Variants in MAP3K4 observed in about 807,000 individuals in gnomAD.
MAP3K4 encodes the protein mitogen-activated protein kinase kinase kinase 4, also known as MAP three kinase 1.
MAP3K4 carries 67 observed loss-of-function variants against 185.6 expected under a neutral mutation model. The observed-to-expected ratio is 0.36, with a 90% CI of 0.30 to 0.44. The LOEUF (loss-of-function observed/expected upper bound fraction) is 0.44, where lower values mean the gene tolerates loss of function less well. MAP3K4 is among the 20% of genes least tolerant of loss of function. The pLI, the probability that MAP3K4 is intolerant of heterozygous loss-of-function variation, is 1.00. For synonymous variants in MAP3K4, 702 were observed against 710.4 expected, an observed-to-expected ratio of 0.99 and a Z score of 0.19; for missense variants, 1,551 against 1,995.1, an observed-to-expected ratio of 0.78 and a Z score of 4.24.
At position 161,054,274 on chromosome 6, in the gene MAP3K4, C is replaced by A. The variant is rs1784137176; in HGVS notation, c.1707+4295C>A. On this transcript the variant is annotated intron_variant, in intron 3 of 26. Transcript: ENST00000392142. The surrounding 1 kb of genome is among the most constrained non-coding windows in gnomAD (Gnocchi z 4.2). ...GGTTCAGGCTATTCTCCTGCCTCAG[C>A]CTCCGGAGTAGCTGGGATTACAGGC... 6.6e-6 allele frequency among the ~76,000 whole-genome samples: 1 copy of A among 152,106 alleles called. No homozygotes were observed. Among genetic ancestry groups the A allele is most frequent in the African/African-American group, 2.4e-5 (1 of 41,412 alleles).
At chr6:161,055,595 A>T (rs1784194868) in intron 3 of MAP3K4, among the ~76,000 whole-genome samples, 1 of 152,156 alleles carries the variant, frequency 6.6e-6, no homozygotes, top group Non-Finnish European at 1.5e-5. Flanking sequence ...CACTTTTTCT[A>T]ATAATTCCCT....
rs1344242821 is a variant in MAP3K4, at chr6:161,048,732, G to C, written c.460G>C (p.Glu154Gln). The C allele has an allele frequency of 6.2e-7, 1 of 1,614,016 alleles. No individual in the cohort carries two copies. The highest frequency in any genetic ancestry group is 1.6e-4 in the Middle Eastern group (1 of 6,062). Residue 154 changes from glutamate to glutamine, a missense_variant, in exon 3 of 27, where the codon GAG becomes CAG. Coordinates refer to ENST00000392142, the MANE Select transcript of MAP3K4 (RefSeq NM_005922.4). The surrounding 1 kb of genome is among the most constrained non-coding windows in gnomAD (Gnocchi z 4.7). ...GATCCGAGCAGCTCTTAGAACAACA[G>C]AGCGTGATCGTAAAAAAAATGTACA... ...KKIRAALRTT[E>Q]RDRKKNVQCS...
rs367611856 is a variant in MAP3K4, at chr6:161,098,300, G to C, written c.3547G>C (p.Ala1183Pro). Reference sequence around the variant, plus strand: ...TAGCACTCGGAGCATGCCTTCCGACGCGCGGAGCCATGGCAGCCCTGCTGC... The same window carrying C: ...TAGCACTCGGAGCATGCCTTCCGACCCGCGGAGCCATGGCAGCCCTGCTGC... ...GFSTRSMPSD[A>P]RSHGSPAAAA... is the part of the protein sequence containing the mutation. Residue 1183 changes from alanine to proline, a missense_variant, in exon 17 of 27, where the codon GCG becomes CCG. Transcript: ENST00000392142. This position sits in a 1 kb window ranked among gnomAD's most constrained non-coding sequence, Gnocchi z 4.4. 4 of 1,610,268 alleles carry C rather than the reference G, an allele frequency of 2.5e-6. No individual in the cohort carries two copies. The highest frequency in any genetic ancestry group is 3.4e-6 in the Non-Finnish European group (4 of 1,179,422).
intron 3 of MAP3K4, among the ~76,000 whole-genome samples, chr6:161,069,009 A>G (rs1482360837): frequency 6.6e-6 from 1 of 152,254 alleles, no homozygotes; most frequent in African/African-American, 2.4e-5. Flanking sequence ...ATGGTCCAGA[A>G]GGAGAGACCA....
chr6:161,005,633 A>G (rs916966047), intron 1 of MAP3K4, among the ~76,000 whole-genome samples: 1 of 152,192 alleles, frequency 6.6e-6, no homozygotes, highest in African/African-American at 2.4e-5. Flanking sequence ...GTTTAAATAC[A>G]AATTTACCTT....
chr6:161,059,697 GT>G (rs1428135433), intron 3 of MAP3K4, among the ~76,000 whole-genome samples: 1 of 151,990 alleles, frequency 6.6e-6, no homozygotes, highest in Non-Finnish European at 1.5e-5. Context: ...CATGTCTGTT[GT>G]TATTTTATGA....
intron 1 of MAP3K4, among the ~76,000 whole-genome samples, chr6:160,997,194 G>C (rs1309676532): frequency 6.6e-6 from 1 of 151,910 alleles, no homozygotes; most frequent in African/African-American, 2.4e-5. Context: ...CTAATGGTGA[G>C]TCTCAGAGGA....
At position 161,034,107 on chromosome 6, in the gene MAP3K4, G is replaced by A; in HGVS notation, c.153-152G>A. On this transcript the variant is annotated intron_variant, in intron 1 of 26. Coordinates refer to ENST00000392142, the MANE Select transcript of MAP3K4 (RefSeq NM_005922.4). The surrounding 1 kb of genome is among the most constrained non-coding windows in gnomAD (Gnocchi z 4.4). ...CAAGCAAAAGAAAAGTTCTCCTTTT[G>A]AGTTTTCACAGGTAAAAATGAGGAG... The A allele has an allele frequency of 1.8e-6, 1 of 559,090 alleles. No individual in the cohort carries two copies. The highest frequency in any genetic ancestry group is 3.0e-6 in the Non-Finnish European group (1 of 330,474). The allele number at this position is 559,090 out of a possible 1,614,324, so 34.6% of individuals were successfully genotyped here.
intron 1 of MAP3K4, among the ~76,000 whole-genome samples, chr6:161,020,277 G>C (rs1055948065): frequency 1.3e-4 from 19 of 151,728 alleles, no homozygotes; most frequent in African/African-American, 4.1e-4. Flanking sequence ...TTGTTTGTTT[G>C]TTTGTTTGTT....
At position 161,082,202 on chromosome 6, in the gene MAP3K4, G is replaced by C. The variant is rs1284622867; in HGVS notation, c.2255+1164G>C. Among the ~76,000 whole-genome samples, 1 of 151,764 alleles carries C rather than the reference G, an allele frequency of 6.6e-6. No homozygotes were observed. The highest frequency in any genetic ancestry group is 1.5e-5 in the Non-Finnish European group (1 of 67,994). On this transcript the variant is annotated intron_variant, in intron 6 of 26. Transcript: ENST00000392142. This position sits in a 1 kb window ranked among gnomAD's most constrained non-coding sequence, Gnocchi z 4.2. ...TGTCTTTGCTTGTCTGTTCAGCTTG[G>C]TGCCCATAGTCAGCCTTTTTAAAAA...
chr6:161,087,876 C>A lies in MAP3K4; in HGVS notation c.2745C>A (p.Asp915Glu). 1 of 1,614,154 alleles carries A rather than the reference C, an allele frequency of 6.2e-7. No individual in the cohort carries two copies. The highest frequency in any genetic ancestry group is 2.2e-5 in the East Asian group (1 of 44,882). Residue 915 changes from aspartate to glutamate, a missense_variant, in exon 10 of 27, where the codon GAC (aspartate) becomes GAA (glutamate). By Grantham distance (45) the Asp-to-Glu change is conservative. Transcript: ENST00000392142. The surrounding 1 kb of genome is among the most constrained non-coding windows in gnomAD (Gnocchi z 4.9). ...KHGDRARDSEDSWGTWEAQPV... is the reference protein window; with the variant it reads ...KHGDRARDSEESWGTWEAQPV... ...GTGATCGAGCCCGTGATTCAGAGGA[C>A]AGCTGGGGCACCTGGGAGGCACAGC... is the stretch of plus-strand genomic sequence containing the variant.
chr6:161,048,422 AT>A lies in MAP3K4; in HGVS notation c.344-186del. On this transcript the variant is annotated intron_variant, in intron 2 of 26. Coordinates refer to ENST00000392142, the MANE Select transcript of MAP3K4 (RefSeq NM_005922.4). This position sits in a 1 kb window ranked among gnomAD's most constrained non-coding sequence, Gnocchi z 4.7. The stretch of plus-strand genomic sequence containing the variant: ...ACAGCAAATACTGGAAAAATGGATA[AT>A]TTTTTTTAAAATATAGAAAATGTCA... The A allele has an allele frequency of 1.6e-6, 1 of 610,372 alleles. No individual in the cohort carries two copies. Among genetic ancestry groups the A allele is most frequent in the Non-Finnish European group, 2.9e-6 (1 of 346,568 alleles). The allele number at this position is 610,372 out of a possible 1,614,324, so 37.8% of individuals were successfully genotyped here. A position where few individuals can be genotyped will look rare whatever the true frequency, so the allele number is the denominator to read the frequency against.
Position 161,054,060 on chromosome 6 carries a change from ATG to A in MAP3K4, c.1707+4083_1707+4084del, listed in dbSNP as rs1409794328. On this transcript the variant is annotated intron_variant, in intron 3 of 26. Transcript: ENST00000392142. The surrounding 1 kb of genome is among the most constrained non-coding windows in gnomAD (Gnocchi z 4.2). Reference sequence around the variant, plus strand: ...ACGTGATGTTTGATTTTTCTTATCTATGTCTTTATATATTTTTTGATTACGTT... The same window carrying A: ...ACGTGATGTTTGATTTTTCTTATCTATCTTTATATATTTTTTGATTACGTT... Among the ~76,000 whole-genome samples, 2 of 152,196 alleles carry A rather than the reference ATG, an allele frequency of 1.3e-5. No homozygotes were observed. Among genetic ancestry groups the A allele is most frequent in the African/African-American group, 4.8e-5 (2 of 41,446 alleles).
intron 1 of MAP3K4, among the ~76,000 whole-genome samples, chr6:161,029,646 G>T (rs574236052): frequency 6.6e-5 from 10 of 152,180 alleles, no homozygotes; most frequent in Non-Finnish European, 1.3e-4. Context: ...AGCTGATGTA[G>T]ACCTTGTACT....
chr6:161,039,753 A>C (rs1479301269), intron 2 of MAP3K4, among the ~76,000 whole-genome samples: 1 of 152,240 alleles, frequency 6.6e-6, no homozygotes, highest in Non-Finnish European at 1.5e-5. Flanking sequence ...CACCATAAAT[A>C]CAGCATTATG....
intron 3 of MAP3K4, among the ~76,000 whole-genome samples, chr6:161,059,464 C>T (rs1163063415): frequency 6.6e-6 from 1 of 152,148 alleles, no homozygotes; most frequent in Non-Finnish European, 1.5e-5. Flanking sequence ...TTTCTAGTGA[C>T]ACTGAGCCTG....
intron 1 of MAP3K4, among the ~76,000 whole-genome samples, chr6:161,023,734 A>G (rs900975643): frequency 2.0e-5 from 3 of 152,238 alleles, no homozygotes; most frequent in African/African-American, 7.2e-5. Flanking sequence ...ACTGTTTTAA[A>G]TGGCATTTTT....
Position 161,109,241 on chromosome 6 carries a change from A to T in MAP3K4, c.4236+382A>T, listed in dbSNP as rs62435517. On this transcript the variant is annotated intron_variant, in intron 22 of 26. Transcript: ENST00000392142. This position sits in a 1 kb window ranked among gnomAD's most constrained non-coding sequence, Gnocchi z 5.7. ...GTATTTAGGGAGCCATTGTGAAATG[A>T]GAGAAAATTCAAACCTCAAATTGAG... Among the ~76,000 whole-genome samples the T allele has an allele frequency of 3.4e-3, 516 of 152,318 alleles. No individual in the cohort carries two copies. Among genetic ancestry groups the T allele is most frequent in the Middle Eastern group, 6.8e-3 (2 of 294 alleles).
intron 1 of MAP3K4, among the ~76,000 whole-genome samples, chr6:161,005,203 A>G (rs1781526167): frequency 6.7e-6 from 1 of 149,994 alleles, no homozygotes; most frequent in Non-Finnish European, 1.5e-5. Flanking sequence ...CGGTGGTACC[A>G]TCATGGCTCA....
Sources: gnomAD v4.1 joint callset for allele counts (sites outside exome capture counted in the v4.1 genomes callset) on GRCh38, gnomAD v4.1.1 for gene constraint, Gnocchi (gnomAD v3.1) non-coding constraint, MANE v1.5 for transcripts, NCBI Gene and HGNC (gene_info 2026-07-23, HGNC 2026-07-21) for gene names.